FJX1: variants seen among roughly 807,000 people sequenced by gnomAD.
FJX1 encodes four-jointed box kinase 1, also known as four-jointed box protein 1.
A neutral mutation model predicts 28.7 loss-of-function variants in FJX1; 21 were observed. The ratio of observed to expected loss-of-function variants is 0.73; its 90% CI spans 0.52 to 1.05. The LOEUF is 1.05. Among genes scored for constraint, FJX1 ranks in the 50% least tolerant of loss-of-function variants. The pLI, the probability that FJX1 is intolerant of heterozygous loss-of-function variation, is 0.00. For synonymous variants in FJX1, 363 were observed against 310.0 expected, an observed-to-expected ratio of 1.17 and a Z score of -1.80; for missense variants, 683 against 647.2, an observed-to-expected ratio of 1.06 and a Z score of -0.60.
In FJX1 at chr11:35,618,689, C is replaced by A. The variant is rs766826949; in HGVS notation, c.53C>A (p.Ala18Glu). The change falls in exon 1 of 1, where the codon GCG (alanine) becomes GAG (glutamate). Residue 18 changes from alanine to glutamate, a missense_variant. Transcript: ENST00000317811. The surrounding 1 kb of genome is among the most constrained non-coding windows in gnomAD (Gnocchi z 4.2). ...AAATAGLWLL[A>E]LGSLLALWGG... ...GCCACCGCGGGGCTCTGGCTGCTGG[C>A]GCTGGGCTCGCTGCTGGCGCTGTGG... 1.6e-6 allele frequency: 2 copies of A among 1,246,224 alleles called. No homozygotes were observed. The highest frequency in any genetic ancestry group is 2.0e-6 in the Non-Finnish European group (2 of 987,166). 77.2% of individuals were successfully genotyped at this position (1,246,224 alleles called of 1,614,324 possible).
In FJX1 at chr11:35,619,203, G is replaced by A; in HGVS notation, c.567G>A (p.Gln189=). 6.3e-7 allele frequency: 1 copy of A among 1,588,828 alleles called. No homozygotes were observed. The highest frequency in any genetic ancestry group is 8.5e-7 in the Non-Finnish European group (1 of 1,175,958). The part of the protein sequence containing the change: ...VRYGINPEQI[Q]GEALSYYLAR... ...ACGGCATCAACCCGGAGCAGATTCA[G>A]GGCGAGGCCCTGTCTTACTATCTGG... is the stretch of plus-strand genomic sequence containing the variant. The change falls in exon 1 of 1, where the codon CAG becomes CAA. Residue 189 remains glutamine (Q), a synonymous_variant. Coordinates refer to ENST00000317811, the MANE Select transcript of FJX1 (RefSeq NM_014344.4). This position sits in a 1 kb window ranked among gnomAD's most constrained non-coding sequence, Gnocchi z 7.6.
chr11:35,619,258 C>G lies in FJX1; in HGVS notation c.622C>G (p.Pro208Ala). ...CCTGCTGGGCCTCCAGCGCCACGTG[C>G]CGCCGCTGGCACTGGCTCGGGTGGA... ...ARLLGLQRHV[P>A]PLALARVEAR... The change falls in exon 1 of 1, where the codon CCG becomes GCG. Residue 208 changes from proline to alanine, a missense_variant. Pro to Ala is a conservative substitution (Grantham distance 27, BLOSUM62 -1). Coordinates refer to ENST00000317811, the MANE Select transcript of FJX1 (RefSeq NM_014344.4). This position sits in a 1 kb window ranked among gnomAD's most constrained non-coding sequence, Gnocchi z 7.6. 12 of 1,568,150 alleles carry G rather than the reference C, an allele frequency of 7.7e-6. No homozygotes were observed. Among genetic ancestry groups the G allele is most frequent in the Non-Finnish European group, 1.0e-5 (12 of 1,166,860 alleles).
Position 35,618,549 on chromosome 11 carries a change from C to T in FJX1, c.-88C>T, listed in dbSNP as rs1850849206. ...GAAGCGCCCGAAGCCCCGGAGCCCA[C>T]AAACTGCCGGGCCCGCCTCGCCGCC... On this transcript the variant is annotated 5_prime_UTR_variant, in exon 1 of 1. An upstream open reading frame in the 5' UTR gains an earlier in-frame stop. Coordinates refer to ENST00000317811, the MANE Select transcript of FJX1 (RefSeq NM_014344.4). The surrounding 1 kb of genome is among the most constrained non-coding windows in gnomAD (Gnocchi z 4.2). The T allele has an allele frequency of 9.4e-7, 1 of 1,068,402 alleles. No homozygotes were observed. 66.2% of individuals were successfully genotyped at this position (1,068,402 alleles called of 1,614,324 possible).
In FJX1 at chr11:35,618,886, C is replaced by G; in HGVS notation, c.250C>G (p.Leu84Val). 7.2e-7 allele frequency: 1 copy of G among 1,383,744 alleles called. No individual in the cohort carries two copies. The highest frequency in any genetic ancestry group is 9.3e-7 in the Non-Finnish European group (1 of 1,072,836). 85.7% of individuals were successfully genotyped at this position (1,383,744 alleles called of 1,614,324 possible). ...GGSLKTFRAL[L>V]TLAAGADGPP... is the part of the protein sequence containing the mutation. ...CTCCCTGAAAACTTTCCGGGCGCTG[C>G]TCACCCTGGCGGCCGGCGCGGACGG... The change falls in exon 1 of 1, where the codon CTC becomes GTC. Residue 84 changes from leucine to valine, a missense_variant. By Grantham distance (32) the Leu-to-Val change is conservative. Transcript: ENST00000317811. The surrounding 1 kb of genome is among the most constrained non-coding windows in gnomAD (Gnocchi z 4.2).
chr11:35,619,466 A>G lies in FJX1; in HGVS notation c.830A>G (p.Asn277Ser). Residue 277 changes from asparagine (N) to serine (S), a missense_variant, in exon 1 of 1, where the codon AAC becomes AGC. Physicochemically the swap from Asn to Ser is conservative, Grantham distance 46. Transcript: ENST00000317811. This position sits in a 1 kb window ranked among gnomAD's most constrained non-coding sequence, Gnocchi z 7.6. ...PLRDAGGELANLSQAELVDLV... is the reference protein window; with the variant it reads ...PLRDAGGELASLSQAELVDLV... ...CGGGATGCCGGGGGTGAGCTGGCCA[A>G]CCTCAGCCAGGCGGAGCTGGTGGAC... is the stretch of plus-strand genomic sequence containing the variant. The G allele has an allele frequency of 2.5e-6, 4 of 1,599,056 alleles. No homozygotes were observed. The highest frequency in any genetic ancestry group is 3.4e-6 in the Non-Finnish European group (4 of 1,179,686).
In FJX1 at chr11:35,619,623, T is replaced by A; in HGVS notation, c.987T>A (p.Gly329=). The A allele has an allele frequency of 1.2e-6, 2 of 1,610,084 alleles. No individual in the cohort carries two copies. ...MQRATSNLHR[G]PGGALVFLDN... The stretch of plus-strand genomic sequence containing the variant: ...GTGCCACCAGCAACCTGCACCGCGG[T>A]CCGGGCGGGGCGCTGGTCTTTCTGG... Residue 329 remains glycine, a synonymous_variant, in exon 1 of 1, where the codon GGT becomes GGA. Transcript: ENST00000317811. The surrounding 1 kb of genome is among the most constrained non-coding windows in gnomAD (Gnocchi z 7.6).
In FJX1 at chr11:35,620,214, C is replaced by T. The variant is rs909168704; in HGVS notation, c.*264C>T. ...AAAAGGATTCTTTACTGTGCCAGCACGGGGATTGGATCCGAAGAAACTGGC... is the reference window on the plus strand; with the variant it reads ...AAAAGGATTCTTTACTGTGCCAGCATGGGGATTGGATCCGAAGAAACTGGC... On this transcript the variant is annotated 3_prime_UTR_variant, in exon 1 of 1. Coordinates refer to ENST00000317811, the MANE Select transcript of FJX1 (RefSeq NM_014344.4). The T allele has an allele frequency of 1.7e-6, 1 of 572,920 alleles. No homozygotes were observed. Among genetic ancestry groups the T allele is most frequent in the African/African-American group, 2.0e-5 (1 of 50,516 alleles). 35.5% of individuals were successfully genotyped at this position (572,920 alleles called of 1,614,324 possible).
rs536959359 is a variant in FJX1 at position 35,619,626 on chromosome 11, G to C, written c.990G>C (p.Pro330=). The change falls in exon 1 of 1, where the codon CCG becomes CCC. Residue 330 remains proline, a synonymous_variant. Transcript: ENST00000317811. This position sits in a 1 kb window ranked among gnomAD's most constrained non-coding sequence, Gnocchi z 7.6. ...QRATSNLHRG[P]GGALVFLDNE... The stretch of plus-strand genomic sequence containing the variant: ...CCACCAGCAACCTGCACCGCGGTCC[G>C]GGCGGGGCGCTGGTCTTTCTGGACA... The C allele has an allele frequency of 2.5e-6, 4 of 1,610,358 alleles. No individual in the cohort carries two copies. The South Asian group carries it at 3.3e-5, about 13-fold the overall frequency.
In FJX1 at chr11:35,619,083, C is replaced by G; in HGVS notation, c.447C>G (p.Arg149=). 6.7e-7 allele frequency: 1 copy of G among 1,485,224 alleles called. No homozygotes were observed. The highest frequency in any genetic ancestry group is 1.3e-5 in the South Asian group (1 of 76,726). The allele number at this position is 1,485,224 out of a possible 1,614,324, so 92.0% of individuals were successfully genotyped here. The stretch of plus-strand genomic sequence containing the variant: ...CGGCGGCGTGGCTGGAGGCGGCTCG[C>G]GGCGCCCGGATGGTGGCCCTGGAGC... ...AQAAAWLEAA[R]GARMVALERG... is the part of the protein sequence containing the mutation. Residue 149 remains arginine, a synonymous_variant, in exon 1 of 1, where the codon CGC becomes CGG. Coordinates refer to ENST00000317811, the MANE Select transcript of FJX1 (RefSeq NM_014344.4). This position sits in a 1 kb window ranked among gnomAD's most constrained non-coding sequence, Gnocchi z 7.6.
Position 35,618,855 on chromosome 11 carries a change from C to T in FJX1, c.219C>T (p.Arg73=). The T allele has an allele frequency of 7.4e-7, 1 of 1,351,720 alleles. No individual in the cohort carries two copies. Among genetic ancestry groups the T allele is most frequent in the South Asian group, 1.8e-5 (1 of 54,844 alleles). The allele number at this position is 1,351,720 out of a possible 1,614,324, so 83.7% of individuals were successfully genotyped here. ...CCCCGCCCCTGGCGTGGGACGCCCGCGGCGGCTCCCTGAAAACTTTCCGGG... is the reference window on the plus strand; with the variant it reads ...CCCCGCCCCTGGCGTGGGACGCCCGTGGCGGCTCCCTGAAAACTTTCCGGG... ...PLPPPLAWDA[R]GGSLKTFRAL... Residue 73 remains arginine, a synonymous_variant, in exon 1 of 1, where the codon CGC becomes CGT. Transcript: ENST00000317811. The surrounding 1 kb of genome is among the most constrained non-coding windows in gnomAD (Gnocchi z 4.2).
chr11:35,619,416 G>T lies in FJX1; in HGVS notation c.780G>T (p.Ser260=), dbSNP rs781713757. 12 of 1,597,208 alleles carry T rather than the reference G, an allele frequency of 7.5e-6. No individual in the cohort carries two copies. The East Asian group carries it at 2.5e-4, about 33-fold the overall frequency. Residue 260 remains serine, a synonymous_variant, in exon 1 of 1, where the codon TCG becomes TCT. Coordinates refer to ENST00000317811, the MANE Select transcript of FJX1 (RefSeq NM_014344.4). This position sits in a 1 kb window ranked among gnomAD's most constrained non-coding sequence, Gnocchi z 7.6. ...TGGTGGTGCCCGCGCCCTGGCGCTC[G>T]GAGGACGGCCGTCTGCGCCCCCTCC... ...TDVVVPAPWR[S]EDGRLRPLRD...
chr11:35,619,315 G>C lies in FJX1; in HGVS notation c.679G>C (p.Glu227Gln). 1 of 1,560,176 alleles carries C rather than the reference G, an allele frequency of 6.4e-7. No individual in the cohort carries two copies. Among genetic ancestry groups the C allele is most frequent in the Non-Finnish European group, 8.6e-7 (1 of 1,161,380 alleles). ...ARGAQWAQVQ[E>Q]ELRAAHWTEG... ...GGGCGCGCAGTGGGCGCAGGTGCAG[G>C]AGGAGCTGCGCGCTGCGCACTGGAC... The change falls in exon 1 of 1, where the codon GAG becomes CAG. Residue 227 changes from glutamate to glutamine, a missense_variant. Transcript: ENST00000317811. This position sits in a 1 kb window ranked among gnomAD's most constrained non-coding sequence, Gnocchi z 7.6.
At position 35,618,697 on chromosome 11, in the gene FJX1, TC is replaced by T; in HGVS notation, c.62del (p.Ser21CysfsTer57). 8.0e-7 allele frequency: 1 copy of T among 1,251,730 alleles called. No individual in the cohort carries two copies. The allele number at this position is 1,251,730 out of a possible 1,614,324, so 77.5% of individuals were successfully genotyped here. A position where few individuals can be genotyped will look rare whatever the true frequency, so the allele number is the denominator to read the frequency against. On this transcript the variant is annotated frameshift_variant, in exon 1 of 1. Transcript: ENST00000317811. LOFTEE classifies it high-confidence loss of function. This position sits in a 1 kb window ranked among gnomAD's most constrained non-coding sequence, Gnocchi z 4.2. ...GGGGCTCTGGCTGCTGGCGCTGGGC[TC>T]GCTGCTGGCGCTGTGGGGAGGGCTC... The part of the protein sequence containing the change: ...TAGLWLLALG[S>X]LLALWGGLLP...
chr11:35,620,014 C>A lies in FJX1; in HGVS notation c.*64C>A. 2 of 1,545,716 alleles carry A rather than the reference C, an allele frequency of 1.3e-6. No homozygotes were observed. The highest frequency in any genetic ancestry group is 2.4e-5 in the South Asian group (2 of 82,876). On this transcript the variant is annotated 3_prime_UTR_variant, in exon 1 of 1. Coordinates refer to ENST00000317811, the MANE Select transcript of FJX1 (RefSeq NM_014344.4). Reference sequence around the variant, plus strand: ...TATGGATGATGGGGGGAAGGGCGGTCGCCTCTGCCACTGTCAGGGACCAGC... The same window carrying A: ...TATGGATGATGGGGGGAAGGGCGGTAGCCTCTGCCACTGTCAGGGACCAGC...
Position 35,620,623 on chromosome 11 carries a change from A to G in FJX1, c.*673A>G, listed in dbSNP as rs1011548172. 6.0e-6 allele frequency: 1 copy of G among 167,086 alleles called. No individual in the cohort carries two copies. Among genetic ancestry groups the G allele is most frequent in the South Asian group, 2.1e-4 (1 of 4,822 alleles). 10.4% of individuals were successfully genotyped at this position (167,086 alleles called of 1,614,324 possible). On this transcript the variant is annotated 3_prime_UTR_variant, in exon 1 of 1. Coordinates refer to ENST00000317811, the MANE Select transcript of FJX1 (RefSeq NM_014344.4). The stretch of plus-strand genomic sequence containing the variant: ...TACAAATTCAGGGTCAGCTGTATGC[A>G]CTAAGTCAAATAATGAATTTCTTCC...
rs1198986818 is a variant in FJX1 at position 35,618,813 on chromosome 11, G to A, written c.177G>A (p.Ala59=). Residue 59 remains alanine (A), a synonymous_variant, in exon 1 of 1, where the codon GCG becomes GCA. Coordinates refer to ENST00000317811, the MANE Select transcript of FJX1 (RefSeq NM_014344.4). The surrounding 1 kb of genome is among the most constrained non-coding windows in gnomAD (Gnocchi z 4.2). ...RPARSGGPAP[A]PRFPLPPPLA... ...CCCGGAGCGGCGGCCCCGCGCCCGC[G>A]CCTCGCTTCCCTCTGCCCCCGCCCC... 1.6e-6 allele frequency: 2 copies of A among 1,265,438 alleles called. No homozygotes were observed. Among genetic ancestry groups the A allele is most frequent in the Non-Finnish European group, 9.9e-7 (1 of 1,010,388 alleles). 78.4% of individuals were successfully genotyped at this position (1,265,438 alleles called of 1,614,324 possible).
rs190229494 is a variant in FJX1 at position 35,619,255 on chromosome 11, G to C, written c.619G>C (p.Val207Leu). ...LARLLGLQRH[V>L]PPLALARVEA... ...GCGCCTGCTGGGCCTCCAGCGCCAC[G>C]TGCCGCCGCTGGCACTGGCTCGGGT... The change falls in exon 1 of 1, where the codon GTG becomes CTG. Residue 207 changes from valine (V) to leucine (L), a missense_variant. Val to Leu is a conservative substitution (Grantham distance 32). Transcript: ENST00000317811. The surrounding 1 kb of genome is among the most constrained non-coding windows in gnomAD (Gnocchi z 7.6). 6.4e-7 allele frequency: 1 copy of C among 1,569,662 alleles called. No individual in the cohort carries two copies. Among genetic ancestry groups the C allele is most frequent in the Non-Finnish European group, 8.6e-7 (1 of 1,167,680 alleles).
rs1157512634 is a variant in FJX1 at position 35,618,652 on chromosome 11, C to T, written c.16C>T (p.Arg6Trp). MGRRM[R>W]GAAATAGLWL... ...CCGCGGGAGCATGGGCAGGAGGATG[C>T]GGGGCGCCGCCGCCACCGCGGGGCT... The change falls in exon 1 of 1, where the codon CGG (arginine) becomes TGG (tryptophan). Residue 6 changes from arginine to tryptophan, a missense_variant. By Grantham distance (101) the Arg-to-Trp change is moderately radical. Coordinates refer to ENST00000317811, the MANE Select transcript of FJX1 (RefSeq NM_014344.4). This position sits in a 1 kb window ranked among gnomAD's most constrained non-coding sequence, Gnocchi z 4.2. 7.2e-6 allele frequency: 8 copies of T among 1,116,252 alleles called. No homozygotes were observed. The highest frequency in any genetic ancestry group is 1.1e-4 in the East Asian group (2 of 18,028). The allele number at this position is 1,116,252 out of a possible 1,614,324, so 69.1% of individuals were successfully genotyped here.
Position 35,618,715 on chromosome 11 carries a change from G to A in FJX1, c.79G>A (p.Gly27Arg). The change falls in exon 1 of 1, where the codon GGA (glycine) becomes AGA (arginine). Residue 27 changes from glycine (G) to arginine (R), a missense_variant. Gly to Arg is a moderately radical substitution (Grantham distance 125, BLOSUM62 -2). Transcript: ENST00000317811. The surrounding 1 kb of genome is among the most constrained non-coding windows in gnomAD (Gnocchi z 4.2). ...LALGSLLALW[G>R]GLLPPRTELP... Reference sequence around the variant, plus strand: ...GCTGGGCTCGCTGCTGGCGCTGTGGGGAGGGCTCCTGCCGCCGCGGACCGA... The same window carrying A: ...GCTGGGCTCGCTGCTGGCGCTGTGGAGAGGGCTCCTGCCGCCGCGGACCGA... The A allele has an allele frequency of 4.8e-6, 6 of 1,255,252 alleles. No homozygotes were observed. The highest frequency in any genetic ancestry group is 5.1e-6 in the Non-Finnish European group (5 of 987,886). The allele number at this position is 1,255,252 out of a possible 1,614,324, so 77.8% of individuals were successfully genotyped here.
Sources: allele counts gnomAD v4.1 joint callset, GRCh38; gene constraint gnomAD v4.1.1; non-coding constraint Gnocchi (gnomAD v3.1); transcripts MANE v1.5; gene names NCBI Gene and HGNC (gene_info 2026-07-23, HGNC 2026-07-21).